Variants in EVC2 observed in about 807,000 individuals in gnomAD.
EVC2 encodes limbin.
In EVC2, 148 loss-of-function variants were observed where a neutral mutation model predicts 149.3. The observed-to-expected ratio is 0.99, with a 90% confidence interval of 0.87 to 1.14. EVC2 has a LOEUF of 1.14. EVC2 is among the 50% of genes most tolerant of loss of function. EVC2 has a pLI of 0.00. For missense variants in EVC2, 1,854 were observed against 1,627.3 expected, an observed-to-expected ratio of 1.14 and a Z score of -2.40; for synonymous variants, 776 against 649.9, an observed-to-expected ratio of 1.19 and a Z score of -2.95.
intron 17 of EVC2, among the ~76,000 whole-genome samples, chr4:5,578,360 G>A (rs957624410): frequency 1.4e-4 from 22 of 152,190 alleles, no homozygotes; most frequent in African/African-American, 4.8e-4. Flanking sequence ...GTGCCAGATT[G>A]TATCAGCAGA....
chr4:5,658,832 G>A (rs1183983792), intron 9 of EVC2, among the ~76,000 whole-genome samples: 1 of 152,230 alleles, frequency 6.6e-6, no homozygotes, highest in African/African-American at 2.4e-5. Flanking sequence ...GGCGAGAGGT[G>A]TGTGGCAGTG....
intron 17 of EVC2, among the ~76,000 whole-genome samples, chr4:5,579,341 G>A (rs948063175): frequency 3.9e-5 from 6 of 152,172 alleles, no homozygotes; most frequent in African/African-American, 1.4e-4. Context: ...GTCATGGGAT[G>A]GACATGAGGT....
At chr4:5,653,861 C>T (rs1718315079) in intron 9 of EVC2, among the ~76,000 whole-genome samples, 1 of 152,208 alleles carries the variant, frequency 6.6e-6, no homozygotes, top group African/African-American at 2.4e-5. Flanking sequence ...ACGAGGCCCA[C>T]CCTCTCTTCA....
chr4:5,585,569 A>G (rs1181935035), intron 16 of EVC2, among the ~76,000 whole-genome samples: 3 of 152,168 alleles, frequency 2.0e-5, no homozygotes, highest in Non-Finnish European at 4.4e-5. Context: ...CAACACACAG[A>G]GTTTAGTTTG....
At chr4:5,705,544 T>C (rs1331378190) in intron 1 of EVC2, among the ~76,000 whole-genome samples, 1 of 151,972 alleles carries the variant, frequency 6.6e-6, no homozygotes. Flanking sequence ...AATAGCATTT[T>C]TTTTTGAAAA....
intron 9 of EVC2, among the ~76,000 whole-genome samples, chr4:5,655,185 C>T (rs558177695): frequency 2.9e-4 from 44 of 152,320 alleles, no homozygotes; most frequent in Middle Eastern, 3.4e-3. Context: ...CCCATAAGAA[C>T]CCCGTCATGT....
intron 16 of EVC2, among the ~76,000 whole-genome samples, chr4:5,596,037 C>T (rs1269900015): frequency 2.6e-5 from 4 of 152,180 alleles, no homozygotes; most frequent in Non-Finnish European, 4.4e-5. Context: ...AATATATATG[C>T]ACCCAATACT....
intron 15 of EVC2, among the ~76,000 whole-genome samples, chr4:5,616,778 C>A: frequency 6.6e-6 from 1 of 152,192 alleles, no homozygotes; most frequent in East Asian, 1.9e-4. Context: ...AGCCTTCCCT[C>A]TGGAGAATGT....
intron 21 of EVC2, among the ~76,000 whole-genome samples, chr4:5,549,019 C>T (rs1721681282): frequency 7.2e-6 from 1 of 138,724 alleles, no homozygotes; most frequent in Admixed American, 7.2e-5. Context: ...CCTGAATAGA[C>T]AGTGATTGAA....
In EVC2 at chr4:5,688,571, T is replaced by C. The variant is rs79306014; in HGVS notation, c.706+586A>G. ...CAGAATTGGTCTTAAACCTGCTTAA[T>C]TGACCAATAACAGCCCACCTCAGGA... On this transcript the variant is annotated intron_variant, in intron 5 of 21. Coordinates refer to ENST00000344408, the MANE Select transcript of EVC2 (RefSeq NM_147127.5). Among the ~76,000 whole-genome samples the C allele has an allele frequency of 7.1e-3, 1,074 of 152,264 alleles. 17 individuals are homozygous for C. The highest frequency in any genetic ancestry group is 0.025 in the African/African-American group (1,022 of 41,522).
chr4:5,556,840 A>C (rs1721848881), intron 21 of EVC2, among the ~76,000 whole-genome samples: 1 of 152,200 alleles, frequency 6.6e-6, no homozygotes, highest in Non-Finnish European at 1.5e-5. Flanking sequence ...AGGTGAAATG[A>C]ATGAATCCCT....
chr4:5,699,808 G>A (rs917477016), intron 1 of EVC2, among the ~76,000 whole-genome samples: 2 of 151,934 alleles, frequency 1.3e-5, no homozygotes, highest in African/African-American at 4.8e-5. Context: ...AGAAGACGAA[G>A]TGAGACCCTC....
In EVC2 at chr4:5,685,359, A is replaced by G; in HGVS notation, c.816+11T>C. The G allele has an allele frequency of 6.2e-7, 1 of 1,613,532 alleles. No individual in the cohort carries two copies. The highest frequency in any genetic ancestry group is 8.5e-7 in the Non-Finnish European group (1 of 1,179,438). ...GTGGCAAGACAGAGATTAAAGTAACAAAGGTCATACCCGTGACGAGCTCTG... is the reference window on the plus strand; with the variant it reads ...GTGGCAAGACAGAGATTAAAGTAACGAAGGTCATACCCGTGACGAGCTCTG... On this transcript the variant is annotated intron_variant, in intron 6 of 21. Transcript: ENST00000344408.
chr4:5,634,014 G>A (rs1716729656), intron 10 of EVC2, among the ~76,000 whole-genome samples: 1 of 152,104 alleles, frequency 6.6e-6, no homozygotes, highest in Non-Finnish European at 1.5e-5. Context: ...GAGGTCCAAG[G>A]GCCAACACAT....
chr4:5,703,565 C>G (rs1211154756), intron 1 of EVC2, among the ~76,000 whole-genome samples: 2 of 152,170 alleles, frequency 1.3e-5, no homozygotes, highest in Non-Finnish European at 2.9e-5. Flanking sequence ...GGGTTCCAAT[C>G]CCTCAGCCAC....
intron 9 of EVC2, among the ~76,000 whole-genome samples, chr4:5,660,259 C>T (rs1035662375): frequency 2.0e-5 from 3 of 152,178 alleles, no homozygotes; most frequent in Non-Finnish European, 4.4e-5. Context: ...GCAAGGTCAG[C>T]CCTGCACTTA....
At chr4:5,585,744 C>T (rs1051691079) in intron 16 of EVC2, among the ~76,000 whole-genome samples, 1 of 152,104 alleles carries the variant, frequency 6.6e-6, no homozygotes, top group African/African-American at 2.4e-5. Flanking sequence ...CCACCCCCTG[C>T]CCCCCACTTA....
chr4:5,672,159 C>T (rs1212868470), intron 7 of EVC2, among the ~76,000 whole-genome samples: 1 of 152,122 alleles, frequency 6.6e-6, no homozygotes, highest in Non-Finnish European at 1.5e-5. Flanking sequence ...GGGAGCTCCT[C>T]TCCTAGCTCA....
At chr4:5,646,593 G>A (rs1448167214) in intron 9 of EVC2, among the ~76,000 whole-genome samples, 1 of 152,186 alleles carries the variant, frequency 6.6e-6, no homozygotes, top group Non-Finnish European at 1.5e-5. Context: ...TCATAGAGAT[G>A]TATAATTATT....
Sources: gnomAD v4.1 joint callset for allele counts (sites outside exome capture counted in the v4.1 genomes callset) on GRCh38, gnomAD v4.1.1 for gene constraint, MANE v1.5 for transcripts, NCBI Gene and HGNC (gene_info 2026-07-23, HGNC 2026-07-21) for gene names.